Variants in SLC26A3 observed in about 807,000 individuals in gnomAD.
SLC26A3 encodes solute carrier family 26 member 3.
A neutral mutation model predicts 85.6 loss-of-function variants in SLC26A3; 64 were observed. That is an observed-to-expected ratio of 0.75 (90% CI 0.61 to 0.92). The LOEUF (loss-of-function observed/expected upper bound fraction) is 0.92, where lower values mean the gene tolerates loss of function less well. Among genes scored for constraint, SLC26A3 ranks in the 40% least tolerant of loss-of-function variants. The probability of loss-of-function intolerance (pLI) is 0.00; values close to 1 mark genes in which losing one functional copy is unlikely to be tolerated. For synonymous variants in SLC26A3, 349 were observed against 336.0 expected (o/e 1.04, Z -0.42); for missense variants, 922 against 927.3 (o/e 0.99, Z 0.07).
At position 107,778,327 on chromosome 7, in the gene SLC26A3, A is replaced by G. The variant is rs567875596; in HGVS notation, c.1408-46T>C. 8 of 1,218,072 alleles carry G rather than the reference A, an allele frequency of 6.6e-6. No individual in the cohort carries two copies. The South Asian group carries it at 8.6e-5, about 13-fold the overall frequency. 75.5% of individuals were successfully genotyped at this position (1,218,072 alleles called of 1,614,324 possible). A position where few individuals can be genotyped will look rare whatever the true frequency, so the allele number is the denominator to read the frequency against. On this transcript the variant is annotated intron_variant, in intron 12 of 20. Transcript: ENST00000340010. ...ATACACTACAATTTACTTTGATTAA[A>G]GTACAATGTCGAGACGGGGTCTTTT... is the stretch of plus-strand genomic sequence containing the variant.
intron 16 of SLC26A3, 100 bp downstream of exon 16, chr7:107,774,677 G>T: frequency 1.1e-6 from 1 of 891,436 alleles, no homozygotes; most frequent in Non-Finnish European, 1.9e-6. Context: ...GAAATCCCTT[G>T]TTTATCTGGC....
chr7:107,778,359 A>ATTTTTTTT, intron 12 of SLC26A3, 78 bp from the exon 13 acceptor site: 2 of 453,030 alleles, frequency 4.4e-6, no homozygotes, highest in Non-Finnish European at 7.0e-6. Flanking sequence ...TTTTAAAAAG[A>ATTTTTTTT]CTTTTTTTTT....
intron 1 of SLC26A3, among the ~76,000 whole-genome samples, chr7:107,796,463 T>G (rs910399050): frequency 1.4e-4 from 22 of 152,144 alleles, no homozygotes; most frequent in African/African-American, 5.3e-4. Context: ...CACTCCCAAG[T>G]GCTTGTTTTC....
At chr7:107,783,897 G>A (rs1418762448) in intron 8 of SLC26A3, among the ~76,000 whole-genome samples, 1 of 152,222 alleles carries the variant, frequency 6.6e-6, no homozygotes, top group Non-Finnish European at 1.5e-5. Context: ...CTAATGGAGA[G>A]TGGATTTCTC....
intron 16 of SLC26A3, 123 bp from the exon 17 acceptor site, chr7:107,774,276 G>T (rs1327488835): frequency 1.1e-5 from 9 of 798,122 alleles, no homozygotes; most frequent in Non-Finnish European, 8.6e-6. Flanking sequence ...ATTGGACTAG[G>T]TGTGGTGGCT....
intron 3 of SLC26A3, 98 bp from the exon 4 acceptor site, chr7:107,792,038 T>C: frequency 1.4e-6 from 1 of 740,490 alleles, no homozygotes; most frequent in South Asian, 1.5e-5. Context: ...ATCCTAAAAA[T>C]AAGTTACCTC....
At chr7:107,774,681 A>T in intron 16 of SLC26A3, 96 bp downstream of exon 16, 1 of 909,648 alleles carries the variant, frequency 1.1e-6, no homozygotes. Flanking sequence ...TCCCTTGTTT[A>T]TCTGGCATTT....
At chr7:107,799,306 C>T (rs1794562466) in intron 1 of SLC26A3, among the ~76,000 whole-genome samples, 2 of 152,160 alleles carry the variant, frequency 1.3e-5, no homozygotes, top group South Asian at 2.1e-4. Context: ...CTAAGCACAC[C>T]AGGTTTCAAA....
Position 107,783,324 on chromosome 7 carries a change from C to G in SLC26A3, c.1000G>C (p.Glu334Gln), listed in dbSNP as rs1208952914. ...GFQPPITPDV[E>Q]TFQNTVGDCF... is the part of the protein sequence containing the mutation. Reference sequence around the variant, plus strand: ...TCTCCTACGGTGTTTTGGAAAGTCTCCACGTCAGGTGTAATAGGGGGCTGA... The same window carrying G: ...TCTCCTACGGTGTTTTGGAAAGTCTGCACGTCAGGTGTAATAGGGGGCTGA... Residue 334 changes from glutamate to glutamine, a missense_variant, in exon 9 of 21, where the codon GAG (glutamate) becomes CAG (glutamine). By Grantham distance (29) the Glu-to-Gln change is conservative. Transcript: ENST00000340010. 1.2e-6 allele frequency: 2 copies of G among 1,614,128 alleles called. No homozygotes were observed. Among genetic ancestry groups the G allele is most frequent in the Non-Finnish European group, 1.7e-6 (2 of 1,180,028 alleles).
In SLC26A3 at chr7:107,765,670, A is replaced by G. The variant is rs1793900023; in HGVS notation, c.*185T>C. The G allele has an allele frequency of 1.9e-6, 1 of 539,066 alleles. No homozygotes were observed. Among genetic ancestry groups the G allele is most frequent in the Admixed American group, 3.3e-5 (1 of 30,728 alleles). The allele number at this position is 539,066 out of a possible 1,614,324, so 33.4% of individuals were successfully genotyped here. On this transcript the variant is annotated 3_prime_UTR_variant, in exon 21 of 21. Coordinates refer to ENST00000340010, the MANE Select transcript of SLC26A3 (RefSeq NM_000111.3). ...AGCTACAAGATATAAAATTTAGAAT[A>G]CTTATATAATTTCATACTAGATATG...
intron 7 of SLC26A3, 76 bp from the exon 8 acceptor site, chr7:107,786,985 C>A (rs937585073): frequency 1.6e-6 from 2 of 1,240,382 alleles, no homozygotes; most frequent in Non-Finnish European, 2.4e-6. Context: ...AAATAAATTG[C>A]CAAAACCCAC....
At chr7:107,789,475 T>C in intron 6 of SLC26A3, 49 bp downstream of exon 6, 5 of 1,548,474 alleles carry the variant, frequency 3.2e-6, no homozygotes, top group Non-Finnish European at 3.6e-6. Flanking sequence ...AAAAACACAG[T>C]AGTGAGTTTC....
rs553052834 is a variant in SLC26A3 at position 107,784,588 on chromosome 7, C to T, written c.972-1236G>A. Among the ~76,000 whole-genome samples the T allele has an allele frequency of 4.6e-4, 70 of 152,268 alleles. No homozygotes were observed. The Middle Eastern group carries it at 0.01, about 22-fold the overall frequency. On this transcript the variant is annotated intron_variant, in intron 8 of 20. Coordinates refer to ENST00000340010, the MANE Select transcript of SLC26A3 (RefSeq NM_000111.3). ...CTGGGACTACAGGTGTGTGCCACCACGCCCAGCTAATTTTAGTATTTTTAG... is the reference window on the plus strand; with the variant it reads ...CTGGGACTACAGGTGTGTGCCACCATGCCCAGCTAATTTTAGTATTTTTAG...
intron 5 of SLC26A3, 63 bp from the exon 6 acceptor site, chr7:107,789,751 A>G: frequency 6.7e-7 from 1 of 1,498,142 alleles, no homozygotes; most frequent in Non-Finnish European, 9.2e-7. Flanking sequence ...AAACTCAAGG[A>G]TCCGCAACTG....
chr7:107,792,037 AT>A (rs1794412366), intron 3 of SLC26A3, 97 bp from the exon 4 acceptor site: 1 of 742,436 alleles, frequency 1.3e-6, no homozygotes, highest in Admixed American at 2.1e-5. Flanking sequence ...GATCCTAAAA[AT>A]AAGTTACCTC....
intron 18 of SLC26A3, among the ~76,000 whole-genome samples, chr7:107,770,796 C>T (rs1277033978): frequency 6.6e-6 from 1 of 152,082 alleles, no homozygotes; most frequent in Non-Finnish European, 1.5e-5. Context: ...AGAAGGTAAG[C>T]AGGAACAATA....
rs143048471 is a variant in SLC26A3 at position 107,801,878 on chromosome 7, G to A, written c.-89+1233C>T. 6.6e-4 allele frequency among the ~76,000 whole-genome samples: 97 copies of A among 147,560 alleles called. No homozygotes were observed. In the East Asian group the frequency reaches 0.016, roughly 24 times the overall value. On this transcript the variant is annotated intron_variant, in intron 1 of 20. Transcript: ENST00000340010. Reference sequence around the variant, plus strand: ...GAGGATCACCTGAGGTCAGGAGTTCGAGACCAGCCTGGCCAACATGGCGAA... The same window carrying A: ...GAGGATCACCTGAGGTCAGGAGTTCAAGACCAGCCTGGCCAACATGGCGAA...
At chr7:107,777,252 C>T (rs781766802) in intron 13 of SLC26A3, among the ~76,000 whole-genome samples, 16 of 152,252 alleles carry the variant, frequency 1.1e-4, no homozygotes, top group Middle Eastern at 3.4e-3. Context: ...CCATGTAATT[C>T]AAAATAGGCT....
At chr7:107,797,245 G>C (rs1794521865) in intron 1 of SLC26A3, among the ~76,000 whole-genome samples, 1 of 152,200 alleles carries the variant, frequency 6.6e-6, no homozygotes, top group Non-Finnish European at 1.5e-5. Flanking sequence ...TGTAATCCCA[G>C]CACTTTGGGA....
Sources: gnomAD v4.1 joint callset for allele counts (sites outside exome capture counted in the v4.1 genomes callset) on GRCh38, gnomAD v4.1.1 for gene constraint, MANE v1.5 for transcripts, NCBI Gene and HGNC (gene_info 2026-07-23, HGNC 2026-07-21) for gene names.